DPYSL3: variants seen among roughly 807,000 people sequenced by gnomAD.
DPYSL3 encodes the protein dihydropyrimidinase-related protein 3.
A neutral mutation model predicts 66.1 loss-of-function variants in DPYSL3; 16 were observed. That is an observed-to-expected ratio of 0.24 (90% CI 0.16 to 0.37). DPYSL3 has a LOEUF of 0.37. Among genes scored for constraint, DPYSL3 ranks in the 10% least tolerant of loss-of-function variants. The probability of loss-of-function intolerance (pLI) is 1.00; values close to 1 mark genes in which losing one functional copy is unlikely to be tolerated. For missense variants in DPYSL3, 738 were observed against 916.2 expected (o/e 0.81, Z 2.51); for synonymous variants, 338 against 345.1 (o/e 0.98, Z 0.23).
intron 2 of DPYSL3, among the ~76,000 whole-genome samples, chr5:147,423,554 A>C (rs1291685560): frequency 6.6e-6 from 1 of 151,622 alleles, no homozygotes; most frequent in Non-Finnish European, 1.5e-5. Context: ...GCTCTTATCA[A>C]AATTTTTTGT....
chr5:147,447,706 A>G (rs1305897645), intron 1 of DPYSL3, among the ~76,000 whole-genome samples: 6 of 152,152 alleles, frequency 3.9e-5, no homozygotes, highest in African/African-American at 1.4e-4. Context: ...CCCTGTCTCT[A>G]CTAAAAATAC....
intron 1 of DPYSL3, among the ~76,000 whole-genome samples, chr5:147,466,957 T>C (rs1753018989): frequency 6.6e-6 from 1 of 152,100 alleles, no homozygotes; most frequent in Non-Finnish European, 1.5e-5. Flanking sequence ...CAGGCACCTC[T>C]AGCAAATGGA....
intron 1 of DPYSL3, among the ~76,000 whole-genome samples, chr5:147,459,582 C>T (rs1479308347): frequency 6.6e-6 from 1 of 152,092 alleles, no homozygotes; most frequent in Admixed American, 6.6e-5. Flanking sequence ...AACAAACTAA[C>T]CTCGGATACA....
At position 147,412,720 on chromosome 5, in the gene DPYSL3, C is replaced by A. The variant is rs1370643212; in HGVS notation, c.883-32G>T. On this transcript the variant is annotated intron_variant, in intron 5 of 13. Transcript: ENST00000343218. ...TAGAAATGAGTCTTTGTCACTCTTG[C>A]AAGCACTTTTAGCAGCCCCACAGAA... 3.8e-6 allele frequency: 6 copies of A among 1,590,564 alleles called. No individual in the cohort carries two copies. The Admixed American group carries it at 8.5e-5, about 23-fold the overall frequency.
intron 1 of DPYSL3, chr5:147,453,742 G>C: frequency 4.6e-5 from 60 of 1,312,886 alleles, no homozygotes; most frequent in Non-Finnish European, 5.8e-5. Flanking sequence ...CCCCTCCCGG[G>C]CTCCCGCGGC....
chr5:147,501,826 T>C (rs943666858), intron 1 of DPYSL3, among the ~76,000 whole-genome samples: 19 of 152,094 alleles, frequency 1.2e-4, no homozygotes, highest in African/African-American at 4.3e-4. Context: ...TCGACTACTC[T>C]CGTGTGGAGT....
At chr5:147,396,537 T>C (rs1757979457) in intron 12 of DPYSL3, among the ~76,000 whole-genome samples, 1 of 152,126 alleles carries the variant, frequency 6.6e-6, no homozygotes, top group South Asian at 2.1e-4. Context: ...GGATGGATCA[T>C]CACAAGAAGT....
intron 12 of DPYSL3, among the ~76,000 whole-genome samples, chr5:147,396,049 A>G (rs1443525080): frequency 1.3e-5 from 2 of 152,002 alleles, no homozygotes; most frequent in Admixed American, 6.5e-5. Context: ...GAAGCCAGCA[A>G]AGAGAAGAGC....
chr5:147,509,969 C>T lies in DPYSL3; in HGVS notation c.-111G>A. On this transcript the variant is annotated 5_prime_UTR_variant, in exon 1 of 14. Transcript: ENST00000343218. This position sits in a 1 kb window ranked among gnomAD's most constrained non-coding sequence, Gnocchi z 5.3. ...ACTGTGGCGGGAGGAGGCGCCTGAG[C>T]CTTCGCGCCAGAGGCGGCAGTGCTG... is the stretch of plus-strand genomic sequence containing the variant. 7.0e-7 allele frequency: 1 copy of T among 1,419,328 alleles called. No homozygotes were observed. The allele number at this position is 1,419,328 out of a possible 1,614,324, so 87.9% of individuals were successfully genotyped here. A position where few individuals can be genotyped will look rare whatever the true frequency, so the allele number is the denominator to read the frequency against.
Position 147,401,704 on chromosome 5 carries a change from G to A in DPYSL3, c.1154-8C>T. The A allele has an allele frequency of 6.2e-7, 1 of 1,613,888 alleles. No individual in the cohort carries two copies. Among genetic ancestry groups the A allele is most frequent in the South Asian group, 1.1e-5 (1 of 91,032 alleles). ...CACCAAAGACTACATTTCCTAGAAG[G>A]GGCAGGAAACAGACAAGGGGTTAGC... On this transcript the variant is annotated splice_region_variant and splice_polypyrimidine_tract_variant and intron_variant, in intron 8 of 13. Transcript: ENST00000343218.
intron 1 of DPYSL3, among the ~76,000 whole-genome samples, chr5:147,466,229 C>A (rs1429979131): frequency 6.6e-6 from 1 of 152,122 alleles, no homozygotes; most frequent in Non-Finnish European, 1.5e-5. Context: ...GGGTTTGCTG[C>A]CATTTATTTA....
rs1178582753 is a variant in DPYSL3, at chr5:147,402,492, C to T, written c.1154-796G>A. ...CCTCCCGAGTAGCTGGGACTACAGG[C>T]GCCCGCCACCACGCCCGGCTAATTT... is the stretch of plus-strand genomic sequence containing the variant. On this transcript the variant is annotated intron_variant, in intron 8 of 13. Transcript: ENST00000343218. Among the ~76,000 whole-genome samples the T allele has an allele frequency of 2.7e-5, 4 of 148,122 alleles. 1 individual carries two copies. The highest frequency in any genetic ancestry group is 2.1e-4 in the South Asian group (1 of 4,804).
At chr5:147,473,392 A>T (rs1277267103) in intron 1 of DPYSL3, 2 of 152,152 alleles carry the variant, frequency 1.3e-5, no homozygotes, top group Non-Finnish European at 2.9e-5. Context: ...AAAAGAAAAA[A>T]CTTTGTTGGT....
At chr5:147,439,589 G>C (rs1752492843) in intron 1 of DPYSL3, among the ~76,000 whole-genome samples, 1 of 152,128 alleles carries the variant, frequency 6.6e-6, no homozygotes, top group Non-Finnish European at 1.5e-5. Context: ...GACTTGGTTT[G>C]ATTTACATTT....
intron 1 of DPYSL3, among the ~76,000 whole-genome samples, chr5:147,504,690 T>A (rs1458600116): frequency 6.6e-6 from 1 of 152,176 alleles, no homozygotes; most frequent in East Asian, 1.9e-4. Flanking sequence ...AACGGCCACA[T>A]CTCATTTGTT....
chr5:147,473,145 C>G (rs1354336709), intron 1 of DPYSL3: 1 of 152,174 alleles, frequency 6.6e-6, no homozygotes, highest in East Asian at 1.9e-4. Flanking sequence ...AAACATGAAG[C>G]AGGGCACTTA....
intron 1 of DPYSL3, among the ~76,000 whole-genome samples, chr5:147,454,572 G>T (rs1364678242): frequency 6.6e-6 from 1 of 152,202 alleles, no homozygotes; most frequent in Non-Finnish European, 1.5e-5. Context: ...CATGAATGCT[G>T]CTCTGTGAGT....
intron 1 of DPYSL3, among the ~76,000 whole-genome samples, chr5:147,466,753 G>T (rs1753015253): frequency 6.6e-6 from 1 of 152,110 alleles, no homozygotes. Context: ...CTTCAGGAAG[G>T]GACTTTGGCT....
chr5:147,471,114 A>G (rs1270927062), intron 1 of DPYSL3, among the ~76,000 whole-genome samples: 2 of 152,154 alleles, frequency 1.3e-5, no homozygotes, highest in Non-Finnish European at 2.9e-5. Flanking sequence ...ATGCATGCAT[A>G]CATACATACA....
Sources: allele counts gnomAD v4.1 joint callset (sites outside exome capture counted in the v4.1 genomes callset), GRCh38; gene constraint gnomAD v4.1.1; non-coding constraint Gnocchi (gnomAD v3.1); transcripts MANE v1.5; gene names NCBI Gene and HGNC (gene_info 2026-07-23, HGNC 2026-07-21).